ACTG1: variants seen among roughly 807,000 people sequenced by gnomAD.
ACTG1 encodes the protein actin, cytoplasmic 2.
Under a neutral mutation model 34.3 loss-of-function variants are expected in ACTG1, and 14 were observed. The ratio of observed to expected loss-of-function variants is 0.41; its 90% CI spans 0.27 to 0.64. The LOEUF is 0.64. Among genes scored for constraint, ACTG1 ranks in the 30% least tolerant of loss-of-function variants. The probability of loss-of-function intolerance (pLI) is 0.33; values close to 1 mark genes in which losing one functional copy is unlikely to be tolerated. For missense variants in ACTG1, 233 were observed against 529.5 expected (o/e 0.44, Z 5.50); for synonymous variants, 422 against 213.9 (o/e 1.97, Z -8.49).
chr17:81,512,488 C>G (rs546539776), intron 1 of ACTG1, 128 bp from the exon 2 acceptor site: 3 of 1,494,802 alleles, frequency 2.0e-6, no homozygotes, highest in Admixed American at 1.7e-5. Flanking sequence ...CCTCCAAGAT[C>G]GCAACCGCCT....
At position 81,512,214 on chromosome 17, in the gene ACTG1, G is replaced by A. The variant is rs782763504; in HGVS notation, c.123+18C>T. On this transcript the variant is annotated intron_variant, in intron 2 of 5. Transcript: ENST00000573283. ...CCGCAACGCAGAACCCAGGAGCCCC[G>A]CGGCGCCATCCACTCACCTGGTGTC... 1.2e-5 allele frequency: 19 copies of A among 1,613,332 alleles called. No individual in the cohort carries two copies. Among genetic ancestry groups the A allele is most frequent in the South Asian group, 1.1e-4 (10 of 91,066 alleles).
intron 1 of ACTG1, 94 bp from the exon 2 acceptor site, chr17:81,512,454 C>T (rs1314323445): frequency 1.2e-6 from 2 of 1,601,964 alleles, no homozygotes; most frequent in African/African-American, 2.7e-5. Flanking sequence ...AGCCTCGGCC[C>T]TGCCCCAACC....
In ACTG1 at chr17:81,510,335, C is replaced by G. The variant is rs1555666108; in HGVS notation, c.*355G>C. 2.2e-6 allele frequency: 1 copy of G among 445,588 alleles called. No homozygotes were observed. Among genetic ancestry groups the G allele is most frequent in the Admixed American group, 2.8e-5 (1 of 35,648 alleles). The allele number at this position is 445,588 out of a possible 1,614,324, so 27.6% of individuals were successfully genotyped here. On this transcript the variant is annotated 3_prime_UTR_variant, in exon 6 of 6. Coordinates refer to ENST00000573283, the MANE Select transcript of ACTG1 (RefSeq NM_001614.5). ...AGCCCTGACACGTTAATACCCTGCA[C>G]AGATCAGAGGCTGCTGGCCACACAG...
rs782512698 is a variant in ACTG1 at position 81,512,233 on chromosome 17, T to C, written c.122A>G (p.Gln41Arg). Residue 41 changes from glutamine (Q) to arginine (R), a missense_variant and splice_region_variant, in exon 2 of 6, where the codon CAG becomes CGG. By Grantham distance (43) the Gln-to-Arg change is conservative. Transcript: ENST00000573283. ...FPSIVGRPRH[Q>R]GVMVGMGQKD... ...AGCCCCGCGGCGCCATCCACTCACC[T>C]GGTGTCTGGGGCGCCCGACGATGGA... 1 of 1,613,152 alleles carries C rather than the reference T, an allele frequency of 6.2e-7. No homozygotes were observed. The highest frequency in any genetic ancestry group is 1.7e-5 in the Admixed American group (1 of 59,978).
chr17:81,511,981 G>C lies in ACTG1; in HGVS notation c.285C>G (p.Arg95=). Residue 95 remains arginine (R), a synonymous_variant, in exon 3 of 6, where the codon CGC becomes CGG. Transcript: ENST00000573283. ...IWHHTFYNEL[R]VAPEEHPVLL... ...GCACTGGGTGCTCCTCCGGGGCCAC[G>C]CGCAGCTCGTTGTAGAAGGTGTGGT... 3 of 1,614,082 alleles carry C rather than the reference G, an allele frequency of 1.9e-6. No homozygotes were observed. The highest frequency in any genetic ancestry group is 2.5e-6 in the Non-Finnish European group (3 of 1,180,030).
chr17:81,511,886 C>T lies in ACTG1; in HGVS notation c.363+17G>A, dbSNP rs782044225. The T allele has an allele frequency of 1.9e-6, 3 of 1,613,992 alleles. No individual in the cohort carries two copies. The highest frequency in any genetic ancestry group is 1.7e-6 in the Non-Finnish European group (2 of 1,179,942). On this transcript the variant is annotated intron_variant, in intron 3 of 5. Coordinates refer to ENST00000573283, the MANE Select transcript of ACTG1 (RefSeq NM_001614.5). Reference sequence around the variant, plus strand: ...GGGGAAAGGACGGGAGGAGCACGGGCGTCGGCCGAGCCTCACCTGAGTCAT... The same window carrying T: ...GGGGAAAGGACGGGAGGAGCACGGGTGTCGGCCGAGCCTCACCTGAGTCAT...
In ACTG1 at chr17:81,510,822, G is replaced by T. The variant is rs200089021; in HGVS notation, c.996C>A (p.Pro332=). 1.7e-4 allele frequency: 282 copies of T among 1,613,958 alleles called. No individual in the cohort carries two copies. Among genetic ancestry groups the T allele is most frequent in the Non-Finnish European group, 2.3e-4 (266 of 1,179,984 alleles). ...PSTMKIKIIA[P]PERKYSVWIG... Reference sequence around the variant, plus strand: ...TCCACACCGAGTACTTGCGCTCTGGGGGTGCGATGATCTGCAAAGACAGCC... The same window carrying T: ...TCCACACCGAGTACTTGCGCTCTGGTGGTGCGATGATCTGCAAAGACAGCC... Residue 332 remains proline (P), a synonymous_variant, in exon 6 of 6, where the codon CCC becomes CCA. Transcript: ENST00000573283.
chr17:81,510,560 C>G lies in ACTG1; in HGVS notation c.*130G>C, dbSNP rs782530017. ...CAGTGCTGATATCAGATACAAGCTT[C>G]AAGGACAATTTCTTTTCGAAGGCTT... On this transcript the variant is annotated 3_prime_UTR_variant, in exon 6 of 6. Coordinates refer to ENST00000573283, the MANE Select transcript of ACTG1 (RefSeq NM_001614.5). 12 of 1,224,472 alleles carry G rather than the reference C, an allele frequency of 9.8e-6. No individual in the cohort carries two copies. Among genetic ancestry groups the G allele is most frequent in the Middle Eastern group, 2.6e-4 (1 of 3,776 alleles). 75.9% of individuals were successfully genotyped at this position (1,224,472 alleles called of 1,614,324 possible). A position where few individuals can be genotyped will look rare whatever the true frequency, so the allele number is the denominator to read the frequency against.
At position 81,512,771 on chromosome 17, in the gene ACTG1, G is replaced by C. The variant is rs782728008; in HGVS notation, c.-44C>G. 32 of 416,390 alleles carry C rather than the reference G, an allele frequency of 7.7e-5. No individual in the cohort carries two copies. The highest frequency in any genetic ancestry group is 1.3e-4 in the African/African-American group (6 of 45,718). The allele number at this position is 416,390 out of a possible 1,614,324, so 25.8% of individuals were successfully genotyped here. On this transcript the variant is annotated 5_prime_UTR_variant, in exon 1 of 6. Transcript: ENST00000573283. ...GCGACGGCGGAGCGGCGGAAGAACA[G>C]AGTGCGAGAGCTGGCAGCGGCGACT...
At chr17:81,512,561 C>T in intron 1 of ACTG1, 173 bp downstream of exon 1, 1 of 839,562 alleles carries the variant, frequency 1.2e-6, no homozygotes. Flanking sequence ...TGCGGCCGGG[C>T]CCCGCCCTGG....
Position 81,511,900 on chromosome 17 carries a change from C to A in ACTG1, c.363+3G>T, listed in dbSNP as rs199905564. On this transcript the variant is annotated splice_donor_region_variant and intron_variant, in intron 3 of 5. Coordinates refer to ENST00000573283, the MANE Select transcript of ACTG1 (RefSeq NM_001614.5). ...AGGAGCACGGGCGTCGGCCGAGCCT[C>A]ACCTGAGTCATCTTCTCTCTGTTGG... 4 of 1,614,126 alleles carry A rather than the reference C, an allele frequency of 2.5e-6. No homozygotes were observed. Among genetic ancestry groups the A allele is most frequent in the Non-Finnish European group, 3.4e-6 (4 of 1,180,002 alleles).
intron 1 of ACTG1, 110 bp downstream of exon 1, chr17:81,512,624 T>C: frequency 1.9e-6 from 1 of 530,058 alleles, no homozygotes; most frequent in Non-Finnish European, 3.3e-6. Flanking sequence ...CCCCGCCTTT[T>C]GTTCCCGGGG....
At chr17:81,512,544 T>C (rs2031881349) in intron 1 of ACTG1, 184 bp from the exon 2 acceptor site, 2 of 983,640 alleles carry the variant, frequency 2.0e-6, no homozygotes, top group Non-Finnish European at 1.5e-6. Flanking sequence ...GGCTCGGAAG[T>C]CTGCACTGCG....
Position 81,510,747 on chromosome 17 carries a change from A to C in ACTG1, c.1071T>G (p.Ile357Met). The C allele has an allele frequency of 6.2e-7, 1 of 1,614,016 alleles. No homozygotes were observed. The highest frequency in any genetic ancestry group is 8.5e-7 in the Non-Finnish European group (1 of 1,179,986). ...CCGACTCGTCGTACTCCTGCTTGCTAATCCACATCTGCTGGAAGGTGGACA... is the reference window on the plus strand; with the variant it reads ...CCGACTCGTCGTACTCCTGCTTGCTCATCCACATCTGCTGGAAGGTGGACA... ...ASLSTFQQMW[I>M]SKQEYDESGP... is the part of the protein sequence containing the mutation. The change falls in exon 6 of 6, where the codon ATT (isoleucine) becomes ATG (methionine). Residue 357 changes from isoleucine (I) to methionine (M), a missense_variant. Ile to Met is a conservative substitution (Grantham distance 10). Transcript: ENST00000573283.
rs202155328 is a variant in ACTG1, at chr17:81,511,294, G to T, written c.696C>A (p.Ser232=). 4.3e-6 allele frequency: 7 copies of T among 1,613,696 alleles called. No homozygotes were observed. The highest frequency in any genetic ancestry group is 5.9e-6 in the Non-Finnish European group (7 of 1,180,050). The change falls in exon 4 of 6, where the codon TCC becomes TCA. Residue 232 remains serine (S), a synonymous_variant. Transcript: ENST00000573283. ...DFEQEMATAA[S]SSSLEKSYEL... is the part of the protein sequence containing the mutation. ...CGTAGCTCTTCTCCAGAGAAGAGGAGGATGCGGCGGTGGCCATCTCCTGCT... is the reference window on the plus strand; with the variant it reads ...CGTAGCTCTTCTCCAGAGAAGAGGATGATGCGGCGGTGGCCATCTCCTGCT...
chr17:81,510,084 G>T lies in ACTG1; in HGVS notation c.*606C>A. ...TGTTGTCATCTCTTCAAAGAATCGA[G>T]AATTGCGTACAAAAAAAACCTTACA... is the stretch of plus-strand genomic sequence containing the variant. On this transcript the variant is annotated 3_prime_UTR_variant, in exon 6 of 6. Transcript: ENST00000573283. 1 of 458,164 alleles carries T rather than the reference G, an allele frequency of 2.2e-6. No individual in the cohort carries two copies. Among genetic ancestry groups the T allele is most frequent in the Non-Finnish European group, 4.3e-6 (1 of 231,226 alleles). The allele number at this position is 458,164 out of a possible 1,614,324, so 28.4% of individuals were successfully genotyped here. A position where few individuals can be genotyped will look rare whatever the true frequency, so the allele number is the denominator to read the frequency against.
In ACTG1 at chr17:81,512,140, G is replaced by A. The variant is rs11549197; in HGVS notation, c.126C>T (p.Gly42=). The change falls in exon 3 of 6, where the codon GGC becomes GGT. Residue 42 remains glycine, a splice_region_variant and synonymous_variant. Transcript: ENST00000573283. ...PSIVGRPRHQ[G]VMVGMGQKDS... is the part of the protein sequence containing the mutation. ...CCTTCTGGCCCATGCCCACCATGAC[G>A]CCCTGCAGGGGACGACCCGTCAGCC... The A allele has an allele frequency of 4.8e-4, 773 of 1,613,532 alleles. No individual in the cohort carries two copies. The highest frequency in any genetic ancestry group is 6.2e-4 in the Non-Finnish European group (733 of 1,180,034).
rs1188703452 is a variant in ACTG1, at chr17:81,510,417, T to G, written c.*273A>C. ...GCACGTTCTTACCTTAGCCACGAAGTGACCAAGCCACACGTACTAAAGGTT... is the reference window on the plus strand; with the variant it reads ...GCACGTTCTTACCTTAGCCACGAAGGGACCAAGCCACACGTACTAAAGGTT... On this transcript the variant is annotated 3_prime_UTR_variant, in exon 6 of 6. Coordinates refer to ENST00000573283, the MANE Select transcript of ACTG1 (RefSeq NM_001614.5). 3.5e-6 allele frequency: 2 copies of G among 563,384 alleles called. No homozygotes were observed. Among genetic ancestry groups the G allele is most frequent in the Non-Finnish European group, 6.5e-6 (2 of 306,328 alleles). 34.9% of individuals were successfully genotyped at this position (563,384 alleles called of 1,614,324 possible). A position where few individuals can be genotyped will look rare whatever the true frequency, so the allele number is the denominator to read the frequency against.
At position 81,511,342 on chromosome 17, in the gene ACTG1, C is replaced by T. The variant is rs374707507; in HGVS notation, c.648G>A (p.Leu216=). The change falls in exon 4 of 6, where the codon CTG becomes CTA. Residue 216 remains leucine (L), a synonymous_variant. Coordinates refer to ENST00000573283, the MANE Select transcript of ACTG1 (RefSeq NM_001614.5). Reference sequence around the variant, plus strand: ...GCTCGAAGTCCAGGGCGACGTAGCACAGCTTCTCCTTGATGTCGCGCACGA... The same window carrying T: ...GCTCGAAGTCCAGGGCGACGTAGCATAGCTTCTCCTTGATGTCGCGCACGA... ...REIVRDIKEK[L]CYVALDFEQE... is the part of the protein sequence containing the mutation. The T allele has an allele frequency of 1.9e-6, 3 of 1,613,816 alleles. No individual in the cohort carries two copies. The highest frequency in any genetic ancestry group is 2.5e-6 in the Non-Finnish European group (3 of 1,180,048).
Sources: allele counts gnomAD v4.1 joint callset, GRCh38; gene constraint gnomAD v4.1.1; transcripts MANE v1.5; gene names NCBI Gene and HGNC (gene_info 2026-07-23, HGNC 2026-07-21).